The following GREB1L variants were observed in gnomAD, a reference collection of about 807,000 sequenced individuals.
GREB1L encodes the protein GREB1-like protein.
A neutral mutation model predicts 200.8 loss-of-function variants in GREB1L; 17 were observed. The ratio of observed to expected loss-of-function variants is 0.08; its 90% CI spans 0.06 to 0.13. GREB1L has a LOEUF of 0.13. Among genes scored for constraint, GREB1L ranks in the 10% least tolerant of loss-of-function variants. GREB1L has a pLI of 1.00. For missense variants in GREB1L, 1,657 were observed against 2,367.7 expected (o/e 0.70, Z 6.23); for synonymous variants, 789 against 893.0 (o/e 0.88, Z 2.08).
chr18:21,487,474 C>T (rs2036169771), intron 18 of GREB1L, among the ~76,000 whole-genome samples: 2 of 152,198 alleles, frequency 1.3e-5, no homozygotes, highest in South Asian at 4.1e-4. Context: ...CCAACCCAGT[C>T]ACCCCAGCCT....
At chr18:21,438,168 G>T (rs2033666162) in intron 7 of GREB1L, among the ~76,000 whole-genome samples, 1 of 152,008 alleles carries the variant, frequency 6.6e-6, no homozygotes, top group African/African-American at 2.4e-5. Flanking sequence ...CAGCTACTTG[G>T]CAGGCTGAGG....
chr18:21,494,146 T>G (rs1275894921), intron 19 of GREB1L, among the ~76,000 whole-genome samples: 1 of 152,170 alleles, frequency 6.6e-6, no homozygotes, highest in African/African-American at 2.4e-5. Context: ...ATTAAATTTT[T>G]ACAGAGAATT....
intron 1 of GREB1L, among the ~76,000 whole-genome samples, chr18:21,242,659 G>A (rs1369425931): frequency 9.9e-5 from 15 of 152,182 alleles, no homozygotes; most frequent in Non-Finnish European, 2.2e-4. Flanking sequence ...CCACCGAAGG[G>A]ACCCGGCCGT....
intron 1 of GREB1L, among the ~76,000 whole-genome samples, chr18:21,364,532 C>T (rs1231157165): frequency 6.6e-6 from 1 of 151,560 alleles, no homozygotes; most frequent in Non-Finnish European, 1.5e-5. Context: ...ATTAAAAAGA[C>T]CATAGGTTGA....
chr18:21,458,754 T>C (rs1308617533), intron 15 of GREB1L, among the ~76,000 whole-genome samples: 1 of 152,222 alleles, frequency 6.6e-6, no homozygotes, highest in Non-Finnish European at 1.5e-5. Flanking sequence ...ATCTTTTAAG[T>C]TTGCGTAACG....
At chr18:21,282,784 G>A (rs1223879414) in intron 1 of GREB1L, among the ~76,000 whole-genome samples, 1 of 152,104 alleles carries the variant, frequency 6.6e-6, no homozygotes, top group African/African-American at 2.4e-5. Context: ...ATTTTTAGTA[G>A]AGGCAGGGTT....
At chr18:21,429,991 A>G (rs1294667487) in intron 7 of GREB1L, among the ~76,000 whole-genome samples, 2 of 152,130 alleles carry the variant, frequency 1.3e-5, no homozygotes, top group Non-Finnish European at 2.9e-5. Flanking sequence ...TGACTTGCAG[A>G]TGACCGTCTT....
At chr18:21,265,986 C>T (rs2037960536) in intron 1 of GREB1L, among the ~76,000 whole-genome samples, 1 of 152,076 alleles carries the variant, frequency 6.6e-6, no homozygotes, top group African/African-American at 2.4e-5. Context: ...GAAAAAAACC[C>T]ATAAGGATCT....
chr18:21,441,587 GTT>G (rs2145266452), intron 10 of GREB1L, 50 bp downstream of exon 10: 1 of 1,480,778 alleles, frequency 6.8e-7, no homozygotes, highest in East Asian at 2.5e-5. Flanking sequence ...ATCTAGGAGT[GTT>G]TTTCCATTTC....
At chr18:21,405,269 C>T (rs1172720760) in intron 7 of GREB1L, among the ~76,000 whole-genome samples, 1 of 152,198 alleles carries the variant, frequency 6.6e-6, no homozygotes, top group African/African-American at 2.4e-5. Flanking sequence ...CCATTGAAAG[C>T]ATAGCCTTCA....
chr18:21,372,205 A>G (rs1251491322), intron 2 of GREB1L, among the ~76,000 whole-genome samples: 6 of 150,946 alleles, frequency 4.0e-5, no homozygotes, highest in Middle Eastern at 3.4e-3. Flanking sequence ...CTGGAGTTCA[A>G]TGGCATGATC....
At chr18:21,519,990 G>A (rs1421292473) in intron 31 of GREB1L, among the ~76,000 whole-genome samples, 1 of 150,152 alleles carries the variant, frequency 6.7e-6, no homozygotes, top group South Asian at 2.1e-4. Context: ...GTGCAATCTC[G>A]GCTCAGTGCA....
intron 1 of GREB1L, among the ~76,000 whole-genome samples, chr18:21,339,002 A>G (rs1461182684): frequency 1.3e-5 from 2 of 152,226 alleles, no homozygotes; most frequent in African/African-American, 2.4e-5. Flanking sequence ...CAGCCTGGCC[A>G]ACATGGCAAA....
chr18:21,405,849 C>G (rs2030145260), intron 7 of GREB1L, among the ~76,000 whole-genome samples: 1 of 151,632 alleles, frequency 6.6e-6, no homozygotes, highest in South Asian at 2.1e-4. Context: ...AAAACAGGCC[C>G]AGGCACAGTG....
intron 10 of GREB1L, among the ~76,000 whole-genome samples, chr18:21,442,944 C>G (rs1216173263): frequency 4.6e-5 from 7 of 152,282 alleles, no homozygotes; most frequent in Non-Finnish European, 1.0e-4. Context: ...GAGTCTTGCT[C>G]TGTCACTCAG....
At chr18:21,441,138 T>C (rs2033876445) in intron 9 of GREB1L, among the ~76,000 whole-genome samples, 1 of 152,150 alleles carries the variant, frequency 6.6e-6, no homozygotes, top group Admixed American at 6.6e-5. Flanking sequence ...GGATCCAAAA[T>C]ATTGCATATG....
chr18:21,342,816 T>C (rs564056349), intron 1 of GREB1L, among the ~76,000 whole-genome samples: 1 of 152,310 alleles, frequency 6.6e-6, no homozygotes, highest in South Asian at 2.1e-4. Flanking sequence ...GTTTTCCATA[T>C]AATTTTTACA....
At chr18:21,434,398 C>T (rs1238729909) in intron 7 of GREB1L, among the ~76,000 whole-genome samples, 1 of 151,576 alleles carries the variant, frequency 6.6e-6, no homozygotes, top group African/African-American at 2.4e-5. Context: ...ATCTCTTGAA[C>T]CCAGGAGGAA....
At chr18:21,341,958 G>A (rs2039276024) in intron 1 of GREB1L, among the ~76,000 whole-genome samples, 2 of 152,110 alleles carry the variant, frequency 1.3e-5, no homozygotes, top group Admixed American at 1.3e-4. Flanking sequence ...AGGGGCCATT[G>A]TTATAATCAA....
Sources: gnomAD v4.1 joint callset for allele counts (sites outside exome capture counted in the v4.1 genomes callset) on GRCh38, gnomAD v4.1.1 for gene constraint, MANE v1.5 for transcripts, NCBI Gene and HGNC (gene_info 2026-07-23, HGNC 2026-07-21) for gene names.